GJA3: variants seen among roughly 807,000 people sequenced by gnomAD.
GJA3 encodes the protein gap junction protein alpha 3.
For missense variants in GJA3, 571 were observed against 620.3 expected (o/e 0.92, Z 0.84); for synonymous variants, 297 against 292.6 (o/e 1.02, Z -0.15).
At chr13:20,151,874 C>T (rs1958880244) in intron 1 of GJA3, among the ~76,000 whole-genome samples, 1 of 152,092 alleles carries the variant, frequency 6.6e-6, no homozygotes, top group South Asian at 2.1e-4. Flanking sequence ...AACGCACAGC[C>T]TCCAGGAAGG....
At chr13:20,153,596 A>T (rs1042079942) in intron 1 of GJA3, among the ~76,000 whole-genome samples, 1 of 152,152 alleles carries the variant, frequency 6.6e-6, no homozygotes, top group African/African-American at 2.4e-5. Context: ...GAACACTTGG[A>T]CACAGGGTGG....
Position 20,141,277 on chromosome 13 carries a change from A to G in GJA3, c.*704T>C, listed in dbSNP as rs990780872. Reference sequence around the variant, plus strand: ...TATGTCAATTTCCTCAACTGTTTAAAAATGGCCTCAGGCGTGGCTGCGTTT... The same window carrying G: ...TATGTCAATTTCCTCAACTGTTTAAGAATGGCCTCAGGCGTGGCTGCGTTT... On this transcript the variant is annotated 3_prime_UTR_variant, in exon 2 of 2. Coordinates refer to ENST00000241125, the MANE Select transcript of GJA3 (RefSeq NM_021954.4). 2.0e-5 allele frequency: 3 copies of G among 152,238 alleles called. No homozygotes were observed. The highest frequency in any genetic ancestry group is 2.9e-5 in the Non-Finnish European group (2 of 68,042). 9.4% of individuals were successfully genotyped at this position (152,238 alleles called of 1,614,324 possible). A position where few individuals can be genotyped will look rare whatever the true frequency, so the allele number is the denominator to read the frequency against.
chr13:20,149,354 G>C (rs1593337162), intron 1 of GJA3, among the ~76,000 whole-genome samples: 1 of 152,114 alleles, frequency 6.6e-6, no homozygotes, highest in East Asian at 1.9e-4. Flanking sequence ...GTGTGGTGGT[G>C]CATGCCTATA....
chr13:20,161,184 C>T (rs10467363), upstream of GJA3: 56,476 of 152,288 alleles, frequency 0.37, 11,110 homozygotes, highest in Non-Finnish European at 0.45. Context: ...GTACGCGCAG[C>T]CACAGCACTC....
intron 1 of GJA3, among the ~76,000 whole-genome samples, chr13:20,144,161 T>C (rs1221214488): frequency 1.3e-5 from 2 of 152,172 alleles, no homozygotes; most frequent in Non-Finnish European, 2.9e-5. Context: ...TTCTCACACA[T>C]GATTCAGCAT....
chr13:20,151,529 C>A (rs1345677771), intron 1 of GJA3, among the ~76,000 whole-genome samples: 4 of 152,130 alleles, frequency 2.6e-5, no homozygotes, highest in Non-Finnish European at 4.4e-5. Flanking sequence ...ACTCCCGATA[C>A]CCCGGAGAAG....
chr13:20,147,678 C>G (rs1452954264), intron 1 of GJA3, among the ~76,000 whole-genome samples: 2 of 152,214 alleles, frequency 1.3e-5, no homozygotes, highest in Non-Finnish European at 2.9e-5. Flanking sequence ...TATCACACTG[C>G]TCATCATAAA....
rs756171884 is a variant in GJA3 at position 20,142,156 on chromosome 13, C to T, written c.1133G>A (p.Ser378Asn). The T allele has an allele frequency of 3.3e-6, 5 of 1,524,362 alleles. No homozygotes were observed. Among genetic ancestry groups the T allele is most frequent in the Non-Finnish European group, 4.4e-6 (5 of 1,136,652 alleles). The allele number at this position is 1,524,362 out of a possible 1,614,324, so 94.4% of individuals were successfully genotyped here. Residue 378 changes from serine to asparagine, a missense_variant, in exon 2 of 2, where the codon AGC becomes AAC. Physicochemically the swap from Ser to Asn is conservative, Grantham distance 46. Coordinates refer to ENST00000241125, the MANE Select transcript of GJA3 (RefSeq NM_021954.4). ...AGAAPLLLDG[S>N]GSSLEGSALA... is the part of the protein sequence containing the mutation. ...GGCGCTCCCCTCCAGACTGCTGCCG[C>T]TCCCATCCAGCAGCAGGGGCGCCGC...
At chr13:20,151,395 G>C (rs4769954) in intron 1 of GJA3, among the ~76,000 whole-genome samples, 126,888 of 152,164 alleles carry the variant, frequency 0.83, 54,298 homozygotes, top group Non-Finnish European at 0.94. Flanking sequence ...TTGCTGAGGC[G>C]TGCTCCCCAA....
At chr13:20,146,893 C>T (rs966735629) in intron 1 of GJA3, among the ~76,000 whole-genome samples, 2 of 152,170 alleles carry the variant, frequency 1.3e-5, no homozygotes, top group Non-Finnish European at 2.9e-5. Flanking sequence ...GCTGGCTGGC[C>T]GTGGCTGACA....
chr13:20,142,995 G>A lies in GJA3; in HGVS notation c.294C>T (p.His98=). 1 of 1,603,740 alleles carries A rather than the reference G, an allele frequency of 6.2e-7. No individual in the cohort carries two copies. Among genetic ancestry groups the A allele is most frequent in the Non-Finnish European group, 8.5e-7 (1 of 1,175,034 alleles). ...PTLIYLGHVL[H]IVRMEEKKKE... ...TCTTCTTCTCTTCCATGCGCACGATGTGCAGCACGTGGCCCAGGTAGATGA... is the reference window on the plus strand; with the variant it reads ...TCTTCTTCTCTTCCATGCGCACGATATGCAGCACGTGGCCCAGGTAGATGA... The change falls in exon 2 of 2, where the codon CAC becomes CAT. Residue 98 remains histidine (H), a synonymous_variant. Coordinates refer to ENST00000241125, the MANE Select transcript of GJA3 (RefSeq NM_021954.4).
rs532427698 is a variant in GJA3 at position 20,149,072 on chromosome 13, A to T, written c.-17-5767T>A. ...TTTGAAAAGTTACGTTTTCCTTTCA[A>T]CGGTAAATTGTTTCCCCCTTGGCCT... is the stretch of plus-strand genomic sequence containing the variant. On this transcript the variant is annotated intron_variant, in intron 1 of 1. Coordinates refer to ENST00000241125, the MANE Select transcript of GJA3 (RefSeq NM_021954.4). Among the ~76,000 whole-genome samples, 5 of 152,286 alleles carry T rather than the reference A, an allele frequency of 3.3e-5. No individual in the cohort carries two copies. The South Asian group carries it at 1.0e-3, about 32-fold the overall frequency.
chr13:20,144,903 G>C (rs1482901346), intron 1 of GJA3, among the ~76,000 whole-genome samples: 1 of 152,218 alleles, frequency 6.6e-6, no homozygotes, highest in South Asian at 2.1e-4. Flanking sequence ...ATTTCAGGCT[G>C]GGCGCGGTGG....
chr13:20,150,641 G>A (rs1366147539), intron 1 of GJA3, among the ~76,000 whole-genome samples: 1 of 152,152 alleles, frequency 6.6e-6, no homozygotes, highest in East Asian at 1.9e-4. Context: ...GGGAATACAG[G>A]CAGTGACCTC....
At chr13:20,147,631 TTTC>T (rs1958850955) in intron 1 of GJA3, among the ~76,000 whole-genome samples, 1 of 152,196 alleles carries the variant, frequency 6.6e-6, no homozygotes, top group Non-Finnish European at 1.5e-5. Context: ...TGGGGTGATT[TTTC>T]TTTTCACAGT....
Position 20,156,734 on chromosome 13 carries a change from T to C in GJA3, c.-18+4156A>G, listed in dbSNP as rs544506014. ...AAATATACTATTTATCTACAGTCTT[T>C]CTTCTTGAAATACTTGAATAAATAT... is the stretch of plus-strand genomic sequence containing the variant. On this transcript the variant is annotated intron_variant, in intron 1 of 1. Coordinates refer to ENST00000241125, the MANE Select transcript of GJA3 (RefSeq NM_021954.4). Among the ~76,000 whole-genome samples, 146 of 152,376 alleles carry C rather than the reference T, an allele frequency of 9.6e-4. 1 individual carries two copies. The Middle Eastern group carries it at 0.017, about 18-fold the overall frequency.
At chr13:20,161,511 G>A (rs1394682315), upstream of GJA3, among the ~76,000 whole-genome samples, 1 of 152,058 alleles carries the variant, frequency 6.6e-6, no homozygotes, top group Non-Finnish European at 1.5e-5. Context: ...GTGGGCGTCG[G>A]GCACCTAGGT....
chr13:20,146,511 A>T (rs1246880444), intron 1 of GJA3, among the ~76,000 whole-genome samples: 3 of 152,214 alleles, frequency 2.0e-5, no homozygotes, highest in African/African-American at 7.2e-5. Flanking sequence ...CCCTTGGAAG[A>T]GCCTTGCGAC....
intron 1 of GJA3, among the ~76,000 whole-genome samples, chr13:20,144,782 T>G (rs980081695): frequency 4.6e-5 from 7 of 152,170 alleles, no homozygotes; most frequent in Non-Finnish European, 8.8e-5. Flanking sequence ...ATGCTGGGAA[T>G]GGGAACAGAA....
Sources: allele counts gnomAD v4.1 joint callset (sites outside exome capture counted in the v4.1 genomes callset), GRCh38; gene constraint gnomAD v4.1.1; transcripts MANE v1.5; gene names NCBI Gene and HGNC (gene_info 2026-07-23, HGNC 2026-07-21).